Variants in ANXA4 observed in about 807,000 individuals in gnomAD.
ANXA4 encodes the protein annexin A4, also known as 35-beta calcimedin.
Under a neutral mutation model 49.8 loss-of-function variants are expected in ANXA4, and 39 were observed. The ratio of observed to expected loss-of-function variants is 0.78; its 90% CI spans 0.61 to 1.02. The LOEUF (loss-of-function observed/expected upper bound fraction) is 1.02, where lower values mean the gene tolerates loss of function less well. Among genes scored for constraint, ANXA4 ranks in the 50% least tolerant of loss-of-function variants. The probability of loss-of-function intolerance (pLI) is 0.00; values close to 1 mark genes in which losing one functional copy is unlikely to be tolerated. For synonymous variants in ANXA4, 134 were observed against 152.5 expected (o/e 0.88, Z 0.89); for missense variants, 360 against 410.1 (o/e 0.88, Z 1.05).
At chr2:69,747,931 T>G (rs1011235741) in intron 1 of ANXA4, among the ~76,000 whole-genome samples, 2 of 152,050 alleles carry the variant, frequency 1.3e-5, no homozygotes, top group African/African-American at 4.8e-5. Context: ...CCTCCTGCCT[T>G]GGTCTCCCGA....
intron 1 of ANXA4, among the ~76,000 whole-genome samples, chr2:69,750,424 TTTTTC>T (rs1670790895): frequency 6.6e-6 from 1 of 152,188 alleles, no homozygotes; most frequent in Non-Finnish European, 1.5e-5. Context: ...TTTGTTTTTG[TTTTTC>T]TAAGACAGGG....
At chr2:69,762,620 A>C (rs139526933) in intron 1 of ANXA4, among the ~76,000 whole-genome samples, 16 of 152,306 alleles carry the variant, frequency 1.1e-4, no homozygotes, top group African/African-American at 3.8e-4. Flanking sequence ...TTAAAAATAT[A>C]ACTCCTAGCA....
At chr2:69,698,783 GTC>G (rs1265014318) in intron 2 of ANXA4, among the ~76,000 whole-genome samples, 3 of 152,180 alleles carry the variant, frequency 2.0e-5, no homozygotes, top group African/African-American at 7.2e-5. Flanking sequence ...ACCAAGCTTT[GTC>G]TCTGCTTCTC....
intron 4 of ANXA4, 40 bp downstream of exon 4, chr2:69,804,667 C>A (rs1179966449): frequency 6.6e-7 from 1 of 1,526,118 alleles, no homozygotes; most frequent in Non-Finnish European, 9.0e-7. Context: ...GCTGACTTCG[C>A]AGCAACAGGA....
intron 2 of ANXA4, among the ~76,000 whole-genome samples, chr2:69,681,989 A>G (rs1397601783): frequency 6.6e-6 from 1 of 152,016 alleles, no homozygotes; most frequent in African/African-American, 2.4e-5. Flanking sequence ...ATTGTGCACC[A>G]CTGTGTCTGG....
At chr2:69,815,923 A>G in intron 8 of ANXA4, 178 bp from the exon 9 acceptor site, 1 of 589,752 alleles carries the variant, frequency 1.7e-6, no homozygotes, top group Non-Finnish European at 3.1e-6. Context: ...ACAGGGTCCC[A>G]ACAGCCTTAT....
chr2:69,781,630 T>C (rs1559185824), intron 2 of ANXA4, 56 bp downstream of exon 2: 8 of 1,603,978 alleles, frequency 5.0e-6, no homozygotes, highest in South Asian at 3.3e-5. Context: ...AGGTACAGAA[T>C]GTGGGCTCAG....
At chr2:69,744,564 T>C (rs553450065) in intron 1 of ANXA4, among the ~76,000 whole-genome samples, 1 of 152,324 alleles carries the variant, frequency 6.6e-6, no homozygotes, top group South Asian at 2.1e-4. Context: ...GGGCTACTTA[T>C]GGAGGCAGTT....
chr2:69,682,295 T>A (rs1559075144), intron 2 of ANXA4, among the ~76,000 whole-genome samples: 1 of 152,236 alleles, frequency 6.6e-6, no homozygotes. Context: ...GTACGTTCTA[T>A]GTCAATTTCC....
chr2:69,682,178 G>A (rs1440997121), intron 2 of ANXA4, among the ~76,000 whole-genome samples: 3 of 152,054 alleles, frequency 2.0e-5, no homozygotes, highest in Non-Finnish European at 4.4e-5. Flanking sequence ...GTTCCTTGAA[G>A]GCATCTTTAG....
rs148767581 is a variant in ANXA4, at chr2:69,763,172, A to G, written c.-46-18348A>G. On this transcript the variant is annotated intron_variant, in intron 1 of 12. Coordinates refer to ENST00000394295, the MANE Select transcript of ANXA4 (RefSeq NM_001153.5). ...CGGAATCAGCTTGAATTTTGGAAAG[A>G]TGTGGGGACAGAACCCTGCCCTGGC... is the stretch of plus-strand genomic sequence containing the variant. Among the ~76,000 whole-genome samples, 579 of 152,264 alleles carry G rather than the reference A, an allele frequency of 3.8e-3. 4 individuals carry two copies. The highest frequency in any genetic ancestry group is 0.017 in the Middle Eastern group (5 of 294).
At chr2:69,748,145 G>A (rs1670689518) in intron 1 of ANXA4, among the ~76,000 whole-genome samples, 1 of 152,054 alleles carries the variant, frequency 6.6e-6, no homozygotes, top group Non-Finnish European at 1.5e-5. Context: ...GGAGGCTGAG[G>A]CGGGTGGATC....
intron 3 of ANXA4, among the ~76,000 whole-genome samples, chr2:69,799,646 G>A (rs1673102174): frequency 6.6e-6 from 1 of 152,092 alleles, no homozygotes; most frequent in South Asian, 2.1e-4. Context: ...CCTCCAGTTA[G>A]CTCCTTGGGG....
chr2:69,783,514 T>G (rs1672287225), intron 2 of ANXA4, among the ~76,000 whole-genome samples: 1 of 152,158 alleles, frequency 6.6e-6, no homozygotes, highest in African/African-American at 2.4e-5. Context: ...CGCGCCCAGC[T>G]TTCTTCTTAA....
intron 3 of ANXA4, among the ~76,000 whole-genome samples, chr2:69,789,287 G>A (rs1672565189): frequency 6.6e-6 from 1 of 152,182 alleles, no homozygotes; most frequent in African/African-American, 2.4e-5. Context: ...AAGTCGCACA[G>A]TGAGTGAAAC....
chr2:69,788,831 C>G (rs1172643697), intron 3 of ANXA4, among the ~76,000 whole-genome samples: 5 of 110,864 alleles, frequency 4.5e-5, no homozygotes, highest in African/African-American at 2.0e-4. Flanking sequence ...GAGCGAGACT[C>G]CATCTCAAAA....
intron 1 of ANXA4, among the ~76,000 whole-genome samples, chr2:69,760,903 C>T (rs981313202): frequency 1.2e-4 from 19 of 152,022 alleles, no homozygotes; most frequent in Non-Finnish European, 7.4e-5. Flanking sequence ...TGGTGGCTCA[C>T]ACTGGTGAAC....
At chr2:69,763,058 G>A (rs1195730344) in intron 1 of ANXA4, among the ~76,000 whole-genome samples, 3 of 152,158 alleles carry the variant, frequency 2.0e-5, no homozygotes, top group East Asian at 1.9e-4. Context: ...AACTGGGAGC[G>A]GCTGCTGCAT....
At chr2:69,766,485 G>A (rs949002765) in intron 1 of ANXA4, among the ~76,000 whole-genome samples, 1 of 152,212 alleles carries the variant, frequency 6.6e-6, no homozygotes, top group Non-Finnish European at 1.5e-5. Context: ...CAGTTAGAAA[G>A]TACCTTTAGG....
Sources: gnomAD v4.1 joint callset for allele counts (sites outside exome capture counted in the v4.1 genomes callset) on GRCh38, gnomAD v4.1.1 for gene constraint, MANE v1.5 for transcripts, NCBI Gene and HGNC (gene_info 2026-07-23, HGNC 2026-07-21) for gene names.